LINGO2: variants seen among roughly 807,000 people sequenced by gnomAD.
The protein encoded by LINGO2 is leucine-rich repeat and immunoglobulin-like domain-containing nogo receptor-interacting protein 2.
LINGO2 carries 14 observed loss-of-function variants against 30.6 expected under a neutral mutation model. The observed-to-expected ratio is 0.46, with a 90% CI of 0.30 to 0.72. The LOEUF is 0.72. Ranked by LOEUF, LINGO2 falls within the 30% of genes least tolerant of loss-of-function variation. LINGO2 has a pLI of 0.07. For synonymous variants in LINGO2, 317 were observed against 288.5 expected, an observed-to-expected ratio of 1.10 and a Z score of -1.00; for missense variants, 729 against 751.7, an observed-to-expected ratio of 0.97 and a Z score of 0.35.
At chr9:28,854,337 C>T in the LINGO2 span, among the ~76,000 whole-genome samples, 431 of 151,930 alleles carry the variant, frequency 2.8e-3, 1 homozygote, top group African/African-American at 9.9e-3. Flanking sequence ...GTTATGATAC[C>T]CTCTTCTTGA....
the LINGO2 span, among the ~76,000 whole-genome samples, chr9:28,972,985 T>A: frequency 6.6e-6 from 1 of 151,910 alleles, no homozygotes; most frequent in Admixed American, 6.6e-5. Flanking sequence ...CCAAACCATA[T>A]CAGGAGACAA....
chr9:28,640,754 CT>C (rs1827535309), intron 1 of LINGO2, among the ~76,000 whole-genome samples: 2 of 151,988 alleles, frequency 1.3e-5, no homozygotes, highest in South Asian at 4.1e-4. Context: ...TTTTTAACTT[CT>C]TTGCCATGGG....
chr9:28,217,038 C>A (rs188122421), intron 4 of LINGO2, among the ~76,000 whole-genome samples: 88 of 151,470 alleles, frequency 5.8e-4, no homozygotes, highest in African/African-American at 1.9e-3. Context: ...AAGGAATAGA[C>A]ATTTATTAAT....
intron 4 of LINGO2, among the ~76,000 whole-genome samples, chr9:28,242,051 C>A (rs188052191): frequency 1.3e-5 from 2 of 152,088 alleles, no homozygotes; most frequent in African/African-American, 4.8e-5. Flanking sequence ...ACCCAAAAGG[C>A]CAGAGTGCCT....
At chr9:27,946,358 C>A, downstream of LINGO2, among the ~76,000 whole-genome samples, 1 of 151,956 alleles carries the variant, frequency 6.6e-6, no homozygotes, top group Non-Finnish European at 1.5e-5. Flanking sequence ...AGTATGGGAC[C>A]GCTGAGAAAA....
the LINGO2 span, among the ~76,000 whole-genome samples, chr9:29,154,183 A>T: frequency 6.6e-6 from 1 of 152,114 alleles, no homozygotes; most frequent in South Asian, 2.1e-4. Flanking sequence ...GGTGGCTCAC[A>T]CCTGTAATCC....
At chr9:28,953,367 T>C in the LINGO2 span, among the ~76,000 whole-genome samples, 1 of 152,246 alleles carries the variant, frequency 6.6e-6, no homozygotes, top group African/African-American at 2.4e-5. Flanking sequence ...TTAATTAATG[T>C]ATATAAATTT....
At chr9:28,550,409 A>C (rs1438282311) in intron 1 of LINGO2, among the ~76,000 whole-genome samples, 2 of 151,646 alleles carry the variant, frequency 1.3e-5, no homozygotes, top group Non-Finnish European at 3.0e-5. Flanking sequence ...AAATTAACTG[A>C]GTTTTATTTT....
chr9:28,790,243 C>T, the LINGO2 span, among the ~76,000 whole-genome samples: 1 of 151,786 alleles, frequency 6.6e-6, no homozygotes, highest in Non-Finnish European at 1.5e-5. Context: ...CTTATCATTA[C>T]GAGGTCAATA....
At chr9:28,175,010 T>C (rs1828710803) in intron 4 of LINGO2, among the ~76,000 whole-genome samples, 1 of 151,868 alleles carries the variant, frequency 6.6e-6, no homozygotes, top group Non-Finnish European at 1.5e-5. Context: ...CCAAGTATTG[T>C]ATAAGGGTAA....
Position 28,644,762 on chromosome 9 carries a change from A to G in LINGO2, c.-365+25438T>C, listed in dbSNP as rs144547222. On this transcript the variant is annotated intron_variant, in intron 1 of 5. Transcript: ENST00000379992. Reference sequence around the variant, plus strand: ...CCCCATTTTCCATGATGTCATTACTATGCATTGCATGCCTGTATCAAAACA... The same window carrying G: ...CCCCATTTTCCATGATGTCATTACTGTGCATTGCATGCCTGTATCAAAACA... Among the ~76,000 whole-genome samples, 7 of 152,146 alleles carry G rather than the reference A, an allele frequency of 4.6e-5. No individual in the cohort carries two copies. In the East Asian group the frequency reaches 1.4e-3, roughly 29 times the overall value.
chr9:28,674,035 A>C (rs1176990698), upstream of LINGO2, among the ~76,000 whole-genome samples: 1 of 152,220 alleles, frequency 6.6e-6, no homozygotes, highest in East Asian at 1.9e-4. Flanking sequence ...TTAAAAAAAA[A>C]TACAGATCCA....
chr9:28,328,349 T>C (rs1382431269), intron 3 of LINGO2, among the ~76,000 whole-genome samples: 2 of 152,180 alleles, frequency 1.3e-5, no homozygotes, highest in East Asian at 3.8e-4. Flanking sequence ...TGTGTTGTGA[T>C]AATTAGAATG....
At chr9:28,435,563 CTG>C (rs1179383562) in intron 2 of LINGO2, among the ~76,000 whole-genome samples, 2 of 152,176 alleles carry the variant, frequency 1.3e-5, no homozygotes, top group Non-Finnish European at 2.9e-5. Flanking sequence ...CTGTGAAGGA[CTG>C]TGAATTTAAC....
intron 1 of LINGO2, among the ~76,000 whole-genome samples, chr9:28,476,299 G>A (rs1305956082): frequency 6.6e-6 from 1 of 151,910 alleles, no homozygotes; most frequent in African/African-American, 2.4e-5. Flanking sequence ...ATTTTGAGAC[G>A]GAGTCTCGCT....
chr9:28,104,599 A>G (rs568067441), intron 4 of LINGO2, among the ~76,000 whole-genome samples: 1 of 152,090 alleles, frequency 6.6e-6, no homozygotes, highest in African/African-American at 2.4e-5. Flanking sequence ...CATGATCCTA[A>G]GATGGAACAC....
chr9:28,540,872 T>C (rs539665194), intron 1 of LINGO2, among the ~76,000 whole-genome samples: 1 of 152,320 alleles, frequency 6.6e-6, no homozygotes, highest in East Asian at 1.9e-4. Context: ...GTACACCAAC[T>C]TAACCTACTG....
intron 3 of LINGO2, among the ~76,000 whole-genome samples, chr9:28,336,948 T>C (rs1825610890): frequency 1.3e-5 from 2 of 151,880 alleles, no homozygotes; most frequent in South Asian, 4.1e-4. Flanking sequence ...CTCTCAGTAA[T>C]TCTTTACATA....
the LINGO2 span, among the ~76,000 whole-genome samples, chr9:29,036,892 T>C: frequency 9.3e-4 from 142 of 152,034 alleles, no homozygotes; most frequent in Admixed American, 1.6e-3. Context: ...AAACTGTAAA[T>C]TGTACTTCCA....
Sources: gnomAD v4.1 joint callset for allele counts (sites outside exome capture counted in the v4.1 genomes callset) on GRCh38, gnomAD v4.1.1 for gene constraint, MANE v1.5 for transcripts, NCBI Gene and HGNC (gene_info 2026-07-23, HGNC 2026-07-21) for gene names.